The following CHN2 variants were observed in gnomAD, a reference collection of about 807,000 sequenced individuals.
CHN2 encodes beta-chimaerin.
CHN2 carries 35 observed loss-of-function variants against 56.3 expected under a neutral mutation model. That is an observed-to-expected ratio of 0.62 (90% CI 0.47 to 0.82). The LOEUF (loss-of-function observed/expected upper bound fraction) is 0.82. Ranked by LOEUF, CHN2 falls within the 40% of genes least tolerant of loss-of-function variation. The pLI, the probability that CHN2 is intolerant of heterozygous loss-of-function variation, is 0.00. For synonymous variants in CHN2, 210 were observed against 212.8 expected (o/e 0.99, Z 0.12); for missense variants, 491 against 580.5 (o/e 0.85, Z 1.58).
At chr7:29,474,263 G>T (rs1184787864) in intron 6 of CHN2, among the ~76,000 whole-genome samples, 1 of 152,012 alleles carries the variant, frequency 6.6e-6, no homozygotes, top group East Asian at 1.9e-4. Flanking sequence ...TACATTTTAT[G>T]CCATAATTTA....
chr7:29,348,272 G>T (rs1255421751), intron 1 of CHN2, among the ~76,000 whole-genome samples: 1 of 152,154 alleles, frequency 6.6e-6, no homozygotes, highest in Non-Finnish European at 1.5e-5. Context: ...CAGAACAGCA[G>T]CATCATCTTT....
intron 2 of CHN2, among the ~76,000 whole-genome samples, chr7:29,364,979 G>A (rs1028383260): frequency 6.6e-6 from 1 of 152,086 alleles, no homozygotes; most frequent in Admixed American, 6.5e-5. Context: ...TGTACTCTAT[G>A]TATTTTTGGT....
intron 1 of CHN2, among the ~76,000 whole-genome samples, chr7:29,277,615 G>A (rs71539601): frequency 6.6e-6 from 1 of 152,216 alleles, no homozygotes; most frequent in Admixed American, 6.5e-5. Flanking sequence ...GCAGAGTTTA[G>A]CAGTGGAGTG....
chr7:29,430,626 A>G (rs1395639628), intron 6 of CHN2, among the ~76,000 whole-genome samples: 1 of 152,086 alleles, frequency 6.6e-6, no homozygotes, highest in Non-Finnish European at 1.5e-5. Context: ...TACACATCAA[A>G]AAGTCTGTTT....
intron 6 of CHN2, among the ~76,000 whole-genome samples, chr7:29,410,498 AT>A (rs1803101818): frequency 6.6e-6 from 1 of 152,010 alleles, no homozygotes; most frequent in South Asian, 2.1e-4. Context: ...GTATATTTGC[AT>A]TATGTCTGTG....
intron 1 of CHN2, among the ~76,000 whole-genome samples, chr7:29,217,096 G>A (rs540443017): frequency 2.0e-5 from 3 of 152,300 alleles, no homozygotes; most frequent in Non-Finnish European, 4.4e-5. Flanking sequence ...CGAACTAACC[G>A]TTTGTGGTCA....
chr7:29,200,325 C>T (rs1784049050), intron 1 of CHN2, among the ~76,000 whole-genome samples: 1 of 150,906 alleles, frequency 6.6e-6, no homozygotes. Context: ...CTTCCTTTCT[C>T]CATTCTTCCC....
chr7:29,251,509 T>C (rs1042929316), intron 1 of CHN2, among the ~76,000 whole-genome samples: 1 of 152,190 alleles, frequency 6.6e-6, no homozygotes, highest in Non-Finnish European at 1.5e-5. Flanking sequence ...TGCCTTCTAA[T>C]AAGATTACTT....
chr7:29,228,236 G>A (rs142043582), intron 1 of CHN2, among the ~76,000 whole-genome samples: 11 of 151,866 alleles, frequency 7.2e-5, no homozygotes, highest in Admixed American at 2.0e-4. Flanking sequence ...AGAGTCATGT[G>A]CCACACCATG....
At chr7:29,275,880 G>A (rs562469053) in intron 1 of CHN2, among the ~76,000 whole-genome samples, 1 of 152,294 alleles carries the variant, frequency 6.6e-6, no homozygotes, top group African/African-American at 2.4e-5. Context: ...TTGCAATGTT[G>A]TGCTCTGCAG....
At chr7:29,218,720 G>A (rs1174053594) in intron 1 of CHN2, among the ~76,000 whole-genome samples, 8 of 149,610 alleles carry the variant, frequency 5.3e-5, no homozygotes, top group East Asian at 4.0e-4. Context: ...ACCAAACACC[G>A]CATGTTCTCA....
chr7:29,209,911 T>G lies in CHN2; in HGVS notation c.49+14921T>G, dbSNP rs1039816225. ...GAGAGCAGATTCCTGTTTTTCAGTT[T>G]TGTGATGGGCCAGGGTGCGTAAAGA... On this transcript the variant is annotated intron_variant, in intron 1 of 12. Coordinates refer to ENST00000222792, the MANE Select transcript of CHN2 (RefSeq NM_004067.4). Among the ~76,000 whole-genome samples, 4 of 152,290 alleles carry G rather than the reference T, an allele frequency of 2.6e-5. No homozygotes were observed. In the Middle Eastern group the frequency reaches 0.01, roughly 388 times the overall value.
At chr7:29,173,100 C>A (rs1429920794) in intron 2 of CHN2, among the ~76,000 whole-genome samples, 1 of 148,308 alleles carries the variant, frequency 6.7e-6, no homozygotes, top group East Asian at 2.0e-4. Context: ...CAATGTACTC[C>A]AGCCTGGGTG....
intron 3 of CHN2, among the ~76,000 whole-genome samples, chr7:29,377,268 T>C (rs932446117): frequency 1.3e-5 from 2 of 152,178 alleles, no homozygotes; most frequent in African/African-American, 4.8e-5. Context: ...AGGTGATCCA[T>C]CTGCCTCAGC....
intron 2 of CHN2, among the ~76,000 whole-genome samples, chr7:29,178,990 T>TG (rs1403344492): frequency 6.6e-6 from 1 of 152,154 alleles, no homozygotes; most frequent in East Asian, 1.9e-4. Context: ...AACCAGCATT[T>TG]GCACCTCCTC....
chr7:29,210,625 A>C (rs1464779589), intron 1 of CHN2, among the ~76,000 whole-genome samples: 2 of 150,888 alleles, frequency 1.3e-5, no homozygotes, highest in East Asian at 3.9e-4. Flanking sequence ...TTATATATAT[A>C]ATTATATCTA....
In CHN2 at chr7:29,250,456, A is replaced by G. The variant is rs556391711; in HGVS notation, c.49+55466A>G. Among the ~76,000 whole-genome samples the G allele has an allele frequency of 4.6e-5, 7 of 152,348 alleles. No individual in the cohort carries two copies. The South Asian group carries it at 1.5e-3, about 32-fold the overall frequency. ...TATGCTTCACCCATGTAAGGAGTGC[A>G]TGTCTCACAGAATCAGGCAACAGCA... On this transcript the variant is annotated intron_variant, in intron 1 of 12. Coordinates refer to ENST00000222792, the MANE Select transcript of CHN2 (RefSeq NM_004067.4).
intron 1 of CHN2, among the ~76,000 whole-genome samples, chr7:29,273,367 A>ATGTG (rs1554387270): frequency 3.9e-5 from 2 of 50,862 alleles, no homozygotes; most frequent in African/African-American, 8.2e-5. Context: ...ATATATATAT[A>ATGTG]TATATATATA....
intron 1 of CHN2, among the ~76,000 whole-genome samples, chr7:29,255,417 G>A (rs546827015): frequency 6.6e-6 from 1 of 152,294 alleles, no homozygotes; most frequent in Admixed American, 6.5e-5. Flanking sequence ...CACGAGGCAA[G>A]GAGGAGACGG....
Sources: gnomAD v4.1 joint callset for allele counts (sites outside exome capture counted in the v4.1 genomes callset) on GRCh38, gnomAD v4.1.1 for gene constraint, MANE v1.5 for transcripts, NCBI Gene and HGNC (gene_info 2026-07-23, HGNC 2026-07-21) for gene names.